ADAMTSL2: variants seen among roughly 807,000 people sequenced by gnomAD.
ADAMTSL2 encodes the protein ADAMTS-like protein 2.
ADAMTSL2 carries 55 observed loss-of-function variants against 117.0 expected under a neutral mutation model. The observed-to-expected ratio is 0.47, with a 90% confidence interval of 0.38 to 0.59. ADAMTSL2 has a LOEUF of 0.59. Among genes scored for constraint, ADAMTSL2 ranks in the 20% least tolerant of loss-of-function variants. The pLI, the probability that ADAMTSL2 is intolerant of heterozygous loss-of-function variation, is 0.00. For synonymous variants in ADAMTSL2, 572 were observed against 566.4 expected (o/e 1.01, Z -0.14); for missense variants, 1,182 against 1,354.5 (o/e 0.87, Z 2.00).
Position 133,550,217 on chromosome 9 carries a change from T to C in ADAMTSL2, c.939+3004T>C, listed in dbSNP as rs533576371. Reference sequence around the variant, plus strand: ...TAAGATCTACTTCACTAAAGCCCCATCCAGGGCTGGCCTGGAAAAACGGCA... The same window carrying C: ...TAAGATCTACTTCACTAAAGCCCCACCCAGGGCTGGCCTGGAAAAACGGCA... On this transcript the variant is annotated intron_variant, in intron 9 of 18. Coordinates refer to ENST00000651351, the MANE Select transcript of ADAMTSL2 (RefSeq NM_014694.4). Among the ~76,000 whole-genome samples, 3 of 152,354 alleles carry C rather than the reference T, an allele frequency of 2.0e-5. No individual in the cohort carries two copies. In the East Asian group the frequency reaches 5.8e-4, roughly 29 times the overall value.
At chr9:133,561,150 T>G (rs1830718301) in intron 11 of ADAMTSL2, 48 bp from the exon 12 acceptor site, 1 of 1,505,264 alleles carries the variant, frequency 6.6e-7, no homozygotes, top group Non-Finnish European at 9.1e-7. Flanking sequence ...AGCCTGCCGG[T>G]GGGGCCTGGA....
chr9:133,536,832 A>G, intron 2 of ADAMTSL2, 30 bp downstream of exon 2: 3 of 1,613,788 alleles, frequency 1.9e-6, no homozygotes, highest in Non-Finnish European at 2.5e-6. Flanking sequence ...CTGAGGGCCC[A>G]TGCCAGTCCC....
At chr9:133,545,314 C>G (rs557804671) in intron 8 of ADAMTSL2, among the ~76,000 whole-genome samples, 6 of 152,280 alleles carry the variant, frequency 3.9e-5, no homozygotes, top group Admixed American at 1.3e-4. Flanking sequence ...GGTGCAGCCC[C>G]AAACCTGACA....
chr9:133,559,351 A>ATTT (rs369151881), intron 11 of ADAMTSL2, among the ~76,000 whole-genome samples: 4 of 91,306 alleles, frequency 4.4e-5, no homozygotes, highest in South Asian at 3.9e-4. Context: ...ACCCACCCCC[A>ATTT]TTTTTTTTTT....
At chr9:133,548,363 G>A (rs138090956) in intron 9 of ADAMTSL2, among the ~76,000 whole-genome samples, 6 of 152,316 alleles carry the variant, frequency 3.9e-5, no homozygotes, top group Admixed American at 2.0e-4. Flanking sequence ...TGGGGGCCAC[G>A]CATCTCTGTG....
chr9:133,537,627 C>A (rs916422167), intron 3 of ADAMTSL2, 80 bp downstream of exon 3: 2 of 1,278,310 alleles, frequency 1.6e-6, no homozygotes, highest in Non-Finnish European at 2.0e-6. Flanking sequence ...GGCTCTTCAG[C>A]CTGGTGGCTT....
chr9:133,554,661 G>A lies in ADAMTSL2; in HGVS notation c.1244G>A (p.Cys415Tyr). The A allele has an allele frequency of 6.6e-7, 1 of 1,519,880 alleles. No individual in the cohort carries two copies. Among genetic ancestry groups the A allele is most frequent in the East Asian group, 2.4e-5 (1 of 41,026 alleles). 94.1% of individuals were successfully genotyped at this position (1,519,880 alleles called of 1,614,324 possible). A position where few individuals can be genotyped will look rare whatever the true frequency, so the allele number is the denominator to read the frequency against. ...TGCGAGCAGGCCGGCGGCGGGGCCT[G>A]CGAGGGGCCCCCCAGGGGCAAGGGC... ...EVCEQAGGGA[C>Y]EGPPRGKGFR... The change falls in exon 10 of 19, where the codon TGC becomes TAC. Residue 415 changes from cysteine to tyrosine, a missense_variant. Physicochemically the swap from Cys to Tyr is radical, Grantham distance 194. Transcript: ENST00000651351. The surrounding 1 kb of genome is among the most constrained non-coding windows in gnomAD (Gnocchi z 5.2).
At chr9:133,569,298 G>A (rs1408764473) in intron 15 of ADAMTSL2, 110 bp from the exon 16 acceptor site, 3 of 1,113,612 alleles carry the variant, frequency 2.7e-6, no homozygotes, top group Non-Finnish European at 4.0e-6. Flanking sequence ...CATGGCAACC[G>A]CTTCGACACT....
rs1588294491 is a variant in ADAMTSL2, at chr9:133,555,737, G to A, written c.1456G>A (p.Ala486Thr). ...TGTGAACAGCATCTTTGCACAGGGC[G>A]CCCCAAGGAGCTCCCTGGCCGAGAG... ...ETVNSIFAQG[A>T]PRSSLAESFF... Residue 486 changes from alanine to threonine, a missense_variant, in exon 11 of 19, where the codon GCC becomes ACC. By Grantham distance (58) the Ala-to-Thr change is moderately conservative. This residue lies in a region of ADAMTSL2 where 345 missense variants were observed against 325.8 expected (regional missense o/e 1.06). Coordinates refer to ENST00000651351, the MANE Select transcript of ADAMTSL2 (RefSeq NM_014694.4). The A allele has an allele frequency of 6.2e-6, 10 of 1,613,998 alleles. No individual in the cohort carries two copies. Among genetic ancestry groups the A allele is most frequent in the South Asian group, 1.1e-5 (1 of 91,090 alleles).
intron 5 of ADAMTSL2, 96 bp downstream of exon 5, chr9:133,539,969 G>A: frequency 8.6e-7 from 1 of 1,162,718 alleles, no homozygotes; most frequent in Non-Finnish European, 1.2e-6. Flanking sequence ...GGGTGGGCAG[G>A]TGGGGAAATG....
upstream of ADAMTSL2, among the ~76,000 whole-genome samples, chr9:133,533,554 G>A (rs909597107): frequency 8.5e-5 from 13 of 152,232 alleles, no homozygotes; most frequent in Admixed American, 4.6e-4. Flanking sequence ...CTCTGGGCCC[G>A]TAGGACAAGC....
intron 12 of ADAMTSL2, among the ~76,000 whole-genome samples, chr9:133,564,301 G>A (rs866849967): frequency 0.027 from 258 of 9,422 alleles, 8 homozygotes; most frequent in Non-Finnish European, 0.039. Context: ...GGAGAGAGAG[G>A]GAGAGAGAGA....
At position 133,554,648 on chromosome 9, in the gene ADAMTSL2, G is replaced by A. The variant is rs1471076674; in HGVS notation, c.1231G>A (p.Gly411Ser). The change falls in exon 10 of 19, where the codon GGC becomes AGC. Residue 411 changes from glycine to serine, a missense_variant. Physicochemically the swap from Gly to Ser is moderately conservative, Grantham distance 56. Around this residue, in one of 3 missense-constraint regions of ADAMTSL2, gnomAD observed 345 missense variants for 325.8 expected, o/e 1.06. Coordinates refer to ENST00000651351, the MANE Select transcript of ADAMTSL2 (RefSeq NM_014694.4). This position sits in a 1 kb window ranked among gnomAD's most constrained non-coding sequence, Gnocchi z 5.2. The part of the protein sequence containing the change: ...QETNEVCEQA[G>S]GGACEGPPRG... Reference sequence around the variant, plus strand: ...GACCAACGAGGTGTGCGAGCAGGCCGGCGGCGGGGCCTGCGAGGGGCCCCC... The same window carrying A: ...GACCAACGAGGTGTGCGAGCAGGCCAGCGGCGGGGCCTGCGAGGGGCCCCC... 6.9e-5 allele frequency: 105 copies of A among 1,527,776 alleles called. No individual in the cohort carries two copies. In the East Asian group the frequency reaches 2.0e-3, roughly 29 times the overall value. 94.6% of individuals were successfully genotyped at this position (1,527,776 alleles called of 1,614,324 possible). A position where few individuals can be genotyped will look rare whatever the true frequency, so the allele number is the denominator to read the frequency against.
Position 133,544,556 on chromosome 9 carries a change from T to G in ADAMTSL2, c.763+6T>G. 3.7e-6 allele frequency: 6 copies of G among 1,613,136 alleles called. No individual in the cohort carries two copies. The highest frequency in any genetic ancestry group is 5.1e-6 in the Non-Finnish European group (6 of 1,179,128). On this transcript the variant is annotated splice_donor_region_variant and intron_variant, in intron 8 of 18. Coordinates refer to ENST00000651351, the MANE Select transcript of ADAMTSL2 (RefSeq NM_014694.4). ...GAAGTCCGCTGACGTGCTAGGTGGG[T>G]ACGCAGTGTCTGGCAGCTGCCTCAC...
rs538282848 is a variant in ADAMTSL2, at chr9:133,575,459, G to A, written c.*595G>A. On this transcript the variant is annotated 3_prime_UTR_variant, in exon 19 of 19. Coordinates refer to ENST00000651351, the MANE Select transcript of ADAMTSL2 (RefSeq NM_014694.4). ...CGTTTGGGGATGGACCTCGGCCCCC[G>A]CCCCTGCAGTCAGCGTCAGTGCTCA... The A allele has an allele frequency of 0.012, 2,006 of 160,634 alleles. 18 individuals carry two copies. Among genetic ancestry groups the A allele is most frequent in the Non-Finnish European group, 0.018 (1,341 of 72,628 alleles). The allele number at this position is 160,634 out of a possible 1,614,324, so 10.0% of individuals were successfully genotyped here.
At chr9:133,541,723 C>T (rs1163172454) in intron 7 of ADAMTSL2, among the ~76,000 whole-genome samples, 2 of 152,192 alleles carry the variant, frequency 1.3e-5, no homozygotes. Context: ...CTGACCCAGC[C>T]CAGAACCCCT....
intron 4 of ADAMTSL2, among the ~76,000 whole-genome samples, chr9:133,539,411 ACAGT>A (rs1379905929): frequency 6.6e-6 from 1 of 152,164 alleles, no homozygotes; most frequent in Non-Finnish European, 1.5e-5. Flanking sequence ...CTGTAGACAC[ACAGT>A]CAGGGCCTGC....
intron 13 of ADAMTSL2, 32 bp from the exon 14 acceptor site, chr9:133,568,241 G>C: frequency 6.5e-7 from 1 of 1,544,310 alleles, no homozygotes; most frequent in Non-Finnish European, 8.7e-7. Context: ...GCCATGGGGG[G>C]GATCATTGAA....
chr9:133,575,063 T>G lies in ADAMTSL2; in HGVS notation c.*199T>G. ...CTGGGGCAGAGCCTCCGGCACCCAG[T>G]GGCCTCCCCCAGACAGAGCCACCCC... On this transcript the variant is annotated 3_prime_UTR_variant, in exon 19 of 19. Coordinates refer to ENST00000651351, the MANE Select transcript of ADAMTSL2 (RefSeq NM_014694.4). 1 of 595,188 alleles carries G rather than the reference T, an allele frequency of 1.7e-6. No homozygotes were observed. Among genetic ancestry groups the G allele is most frequent in the Non-Finnish European group, 3.0e-6 (1 of 332,926 alleles). The allele number at this position is 595,188 out of a possible 1,614,324, so 36.9% of individuals were successfully genotyped here.
Sources: allele counts gnomAD v4.1 joint callset (sites outside exome capture counted in the v4.1 genomes callset), GRCh38; gene constraint gnomAD v4.1.1; regional missense constraint gnomAD v4.1.1; non-coding constraint Gnocchi (gnomAD v3.1); transcripts MANE v1.5; gene names NCBI Gene and HGNC (gene_info 2026-07-23, HGNC 2026-07-21).